The following ESR1 variants were observed in gnomAD, a reference collection of about 807,000 sequenced individuals.
The protein encoded by ESR1 is estrogen receptor.
ESR1 carries 12 observed loss-of-function variants against 52.7 expected under a neutral mutation model. The observed-to-expected ratio is 0.23, with a 90% CI of 0.15 to 0.37. The LOEUF is 0.37. ESR1 is among the 10% of genes least tolerant of loss of function. The pLI is 1.00. For synonymous variants in ESR1, 305 were observed against 316.8 expected (o/e 0.96, Z 0.39); for missense variants, 584 against 779.7 (o/e 0.75, Z 2.99).
intron 4 of ESR1, among the ~76,000 whole-genome samples, chr6:151,950,162 A>T (rs1253503591): frequency 6.6e-6 from 1 of 152,222 alleles, no homozygotes; most frequent in African/African-American, 2.4e-5. Context: ...CTCCCCAGCC[A>T]CAATGGAACT....
intron 3 of ESR1, among the ~76,000 whole-genome samples, chr6:151,895,498 A>G (rs964124189): frequency 6.6e-6 from 1 of 152,154 alleles, no homozygotes; most frequent in Admixed American, 6.5e-5. Flanking sequence ...ACTTTTCCCC[A>G]TTCAGTATTA....
At chr6:151,752,320 C>T (rs992446219) in intron 2 of ESR1, among the ~76,000 whole-genome samples, 5 of 152,078 alleles carry the variant, frequency 3.3e-5, no homozygotes, top group Admixed American at 6.5e-5. Context: ...GCAAAATGGA[C>T]GCACTCTGAA....
intron 3 of ESR1, among the ~76,000 whole-genome samples, chr6:151,899,632 T>A (rs1212870182): frequency 6.7e-6 from 1 of 149,392 alleles, no homozygotes; most frequent in Non-Finnish European, 1.5e-5. Context: ...CGCTCCTCAC[T>A]TCCCAGACGG....
intron 5 of ESR1, among the ~76,000 whole-genome samples, chr6:152,039,043 A>G (rs928903190): frequency 1.2e-4 from 18 of 152,236 alleles, no homozygotes; most frequent in Non-Finnish European, 2.5e-4. Context: ...TCTTAACAAA[A>G]TAAGGAGGAA....
chr6:151,997,364 A>G (rs773974074), intron 4 of ESR1, among the ~76,000 whole-genome samples: 5 of 152,180 alleles, frequency 3.3e-5, no homozygotes, highest in Non-Finnish European at 7.4e-5. Context: ...TTAGGTCACT[A>G]TAAACCCCAA....
chr6:152,100,118 A>G lies in ESR1; in HGVS notation c.*1152A>G. On this transcript the variant is annotated 3_prime_UTR_variant, in exon 8 of 8. Coordinates refer to ENST00000206249, the MANE Select transcript of ESR1 (RefSeq NM_000125.4). The stretch of plus-strand genomic sequence containing the variant: ...TGCCACAGGCTGCAGCTACCTAGGA[A>G]CATTCCTTGCAGACCCCGCATTGCC... 2.5e-6 allele frequency: 1 copy of G among 398,810 alleles called. No homozygotes were observed. The highest frequency in any genetic ancestry group is 2.1e-5 in the African/African-American group (1 of 48,772). 24.7% of individuals were successfully genotyped at this position (398,810 alleles called of 1,614,324 possible). A position where few individuals can be genotyped will look rare whatever the true frequency, so the allele number is the denominator to read the frequency against.
intron 2 of ESR1, among the ~76,000 whole-genome samples, chr6:151,774,696 G>A (rs943757535): frequency 3.3e-5 from 5 of 152,184 alleles, no homozygotes; most frequent in African/African-American, 1.2e-4. Flanking sequence ...CATCCATGGT[G>A]TTGAACATTC....
intron 4 of ESR1, among the ~76,000 whole-genome samples, chr6:151,985,665 A>G (rs980272880): frequency 6.6e-6 from 1 of 151,884 alleles, no homozygotes; most frequent in African/African-American, 2.4e-5. Flanking sequence ...ATAACTTTTT[A>G]AAAAATTATT....
intron 2 of ESR1, among the ~76,000 whole-genome samples, chr6:151,754,326 A>AT (rs11446767): frequency 0.55 from 80,126 of 144,970 alleles, 23,040 homozygotes; most frequent in Non-Finnish European, 0.66. Flanking sequence ...ATCTATTGCT[A>AT]TTTTTTTTTT....
chr6:151,958,851 C>T (rs536677068), intron 4 of ESR1, among the ~76,000 whole-genome samples: 3 of 152,160 alleles, frequency 2.0e-5, no homozygotes, highest in Non-Finnish European at 2.9e-5. Flanking sequence ...GTGCTGGTTG[C>T]GAGCCAACAG....
intron 4 of ESR1, among the ~76,000 whole-genome samples, chr6:151,954,989 G>A (rs1445930799): frequency 2.0e-5 from 3 of 148,478 alleles, no homozygotes; most frequent in Non-Finnish European, 4.4e-5. Context: ...GGTTATGAGA[G>A]GTTTCAAATT....
Position 151,736,814 on chromosome 6 carries a change from CTT to C in ESR1, c.-71+34811_-71+34812del, listed in dbSNP as rs1372738412. Among the ~76,000 whole-genome samples, 7 of 152,200 alleles carry C rather than the reference CTT, an allele frequency of 4.6e-5. No homozygotes were observed. In the East Asian group the frequency reaches 1.4e-3, roughly 30 times the overall value. ...ACTGGGGCAGAGAGAGGCTCTGTGACTTTGTGCAAGCAGCAATGTAGGCATTT... is the reference window on the plus strand; with the variant it reads ...ACTGGGGCAGAGAGAGGCTCTGTGACTGTGCAAGCAGCAATGTAGGCATTT... On this transcript the variant is annotated intron_variant, in intron 2 of 2. Transcript: ENST00000404742.
chr6:151,809,726 C>A (rs538450648), intron 1 of ESR1, among the ~76,000 whole-genome samples: 5 of 152,334 alleles, frequency 3.3e-5, no homozygotes, highest in African/African-American at 1.2e-4. Context: ...AAATTTAGAG[C>A]ATCCCACAGC....
At chr6:152,016,628 G>A (rs995585548) in intron 5 of ESR1, among the ~76,000 whole-genome samples, 1 of 152,122 alleles carries the variant, frequency 6.6e-6, no homozygotes, top group Non-Finnish European at 1.5e-5. Flanking sequence ...TGCCCTACAG[G>A]TTCCTAACCC....
At chr6:151,917,081 G>A (rs1041833159) in intron 3 of ESR1, among the ~76,000 whole-genome samples, 2 of 152,132 alleles carry the variant, frequency 1.3e-5, no homozygotes, top group African/African-American at 2.4e-5. Context: ...GCAATCCTGG[G>A]AAGACTCCTC....
At chr6:151,862,803 G>C (rs1214263233) in intron 2 of ESR1, among the ~76,000 whole-genome samples, 1 of 152,116 alleles carries the variant, frequency 6.6e-6, no homozygotes, top group East Asian at 1.9e-4. Context: ...AGGTTCTAGT[G>C]GTGAAGTTTA....
intron 2 of ESR1, among the ~76,000 whole-genome samples, chr6:151,754,656 T>G (rs970350108): frequency 2.0e-5 from 3 of 152,192 alleles, no homozygotes; most frequent in African/African-American, 7.2e-5. Flanking sequence ...TCCAACATAC[T>G]TTGCCCTCCT....
At chr6:152,066,118 T>G (rs1303509088) in intron 6 of ESR1, among the ~76,000 whole-genome samples, 5 of 152,228 alleles carry the variant, frequency 3.3e-5, no homozygotes, top group African/African-American at 4.8e-5. Context: ...GTGGCACATC[T>G]TGCCATGATG....
chr6:151,901,520 T>C (rs1391079493), intron 3 of ESR1, among the ~76,000 whole-genome samples: 1 of 152,208 alleles, frequency 6.6e-6, no homozygotes, highest in Non-Finnish European at 1.5e-5. Flanking sequence ...GCTGTGGTCT[T>C]TTCCCAGTTC....
Sources: allele counts gnomAD v4.1 joint callset (sites outside exome capture counted in the v4.1 genomes callset), GRCh38; gene constraint gnomAD v4.1.1; transcripts MANE v1.5; gene names NCBI Gene and HGNC (gene_info 2026-07-23, HGNC 2026-07-21).